Variants in DNASE1 observed in about 807,000 individuals in gnomAD.
The protein encoded by DNASE1 is deoxyribonuclease 1, also known as deoxyribonuclease-1.
DNASE1 carries 40 observed loss-of-function variants against 33.9 expected under a neutral mutation model. That is an observed-to-expected ratio of 1.18 (90% CI 0.92 to 1.54). The LOEUF (loss-of-function observed/expected upper bound fraction) is 1.54. Ranked by LOEUF, DNASE1 falls within the 40% of genes most tolerant of loss-of-function variation. The pLI, the probability that DNASE1 is intolerant of heterozygous loss-of-function variation, is 0.00. For synonymous variants in DNASE1, 216 were observed against 160.0 expected (o/e 1.35, Z -2.64); for missense variants, 518 against 372.6 (o/e 1.39, Z -3.21).
chr16:3,665,363 G>T (rs2050807683), exon 10 of DNASE1: 1 of 152,790 alleles, frequency 6.5e-6, no homozygotes, highest in Non-Finnish European at 1.5e-5. Context: ...ACACCACACT[G>T]TGAATGCACT....
At chr16:3,633,500 C>CG (rs993372595) in intron 1 of DNASE1, among the ~76,000 whole-genome samples, 5 of 151,542 alleles carry the variant, frequency 3.3e-5, no homozygotes, top group African/African-American at 1.2e-4. Flanking sequence ...CCCAGCTACT[C>CG]GGGAGGCTGA....
chr16:3,662,498 G>C, downstream of DNASE1: 1 of 522,388 alleles, frequency 1.9e-6, no homozygotes, highest in South Asian at 1.9e-5. Flanking sequence ...GGTGGGGGGA[G>C]TCTTAGCTCT....
intron 1 of DNASE1, among the ~76,000 whole-genome samples, chr16:3,612,221 C>T (rs111464529): frequency 8.6e-5 from 13 of 150,650 alleles, no homozygotes; most frequent in African/African-American, 2.9e-4. Flanking sequence ...TGAGCTTCAA[C>T]TTGGGGTCGT....
chr16:3,644,037 G>A (rs535150477), intron 1 of DNASE1, among the ~76,000 whole-genome samples: 7 of 152,130 alleles, frequency 4.6e-5, no homozygotes, highest in Admixed American at 3.3e-4. Context: ...CACCGTGCCC[G>A]GCCAAGCACA....
intron 1 of DNASE1, among the ~76,000 whole-genome samples, chr16:3,617,326 C>CAAAAAAAAAAAAAAAAAAAAA (rs56670885): frequency 6.4e-4 from 37 of 57,714 alleles, no homozygotes; most frequent in African/African-American, 2.2e-3. Context: ...AACTCCATCT[C>CAAAAAAAAAAAAAAAAAAAAA]AAAAAAAAAA....
intron 1 of DNASE1, among the ~76,000 whole-genome samples, chr16:3,647,336 C>T (rs1259582744): frequency 2.0e-5 from 3 of 148,298 alleles, no homozygotes; most frequent in Non-Finnish European, 4.4e-5. Context: ...TGCAGTGGTG[C>T]AGTCATGGCC....
In DNASE1 at chr16:3,613,908, ATTTTTTTT is replaced by A. The variant is rs200976238; in HGVS notation, c.-1359+1918_-1359+1925del. On this transcript the variant is annotated intron_variant and NMD_transcript_variant, in intron 1 of 11. Coordinates refer to the DNASE1 transcript ENST00000570769. ...AGGCGCCCGCAACCGCGCCTGGCTA[ATTTTTTTT>A]TTTTTTTTTTTTTTTGGACAAAATC... 1.2e-3 allele frequency among the ~76,000 whole-genome samples: 135 copies of A among 113,148 alleles called. 1 individual carries two copies. Among genetic ancestry groups the A allele is most frequent in the Admixed American group, 5.8e-3 (65 of 11,286 alleles). 74.2% of individuals were successfully genotyped at this position (113,148 alleles called of 152,430 possible).
chr16:3,662,188 G>C (rs1481068723), downstream of DNASE1: 3 of 1,572,586 alleles, frequency 1.9e-6, no homozygotes, highest in Non-Finnish European at 2.6e-6. Context: ...GAGAGGGCTG[G>C]CAGGATCTTA....
At chr16:3,661,848 C>T (rs1482759963), downstream of DNASE1, 1 of 1,165,040 alleles carries the variant, frequency 8.6e-7, no homozygotes, top group East Asian at 2.9e-5. Flanking sequence ...GCCTAAACTG[C>T]ATACAGCTCC....
intron 1 of DNASE1, among the ~76,000 whole-genome samples, chr16:3,622,258 G>A (rs143174386): frequency 4.1e-5 from 6 of 146,856 alleles, no homozygotes; most frequent in East Asian, 2.0e-4. Flanking sequence ...TTTCCATTCC[G>A]TTAACAATGA....
In DNASE1 at chr16:3,657,888, G is replaced by T. The variant is rs917681330; in HGVS notation, c.802-18G>T. On this transcript the variant is annotated intron_variant, in intron 8 of 8. Coordinates refer to ENST00000246949, the MANE Select transcript of DNASE1 (RefSeq NM_005223.4). ...CTCAGGTAGGCTCAGCCCAGACCCT[G>T]TGCCCACTTGCCTGCAGGCCCAAGC... The T allele has an allele frequency of 6.2e-7, 1 of 1,613,820 alleles. No individual in the cohort carries two copies. The highest frequency in any genetic ancestry group is 1.1e-5 in the South Asian group (1 of 91,086).
chr16:3,631,141 G>C (rs959722962), intron 1 of DNASE1, among the ~76,000 whole-genome samples: 4 of 151,936 alleles, frequency 2.6e-5, no homozygotes, highest in African/African-American at 7.3e-5. Context: ...TCCTGCCTCA[G>C]CTTCCCAAGT....
intron 1 of DNASE1, among the ~76,000 whole-genome samples, chr16:3,620,888 C>T (rs1173983810): frequency 6.6e-6 from 1 of 152,064 alleles, no homozygotes; most frequent in African/African-American, 2.4e-5. Context: ...GCAACCTCCG[C>T]TCCCCAGGTT....
chr16:3,646,040 CCCGAGTAGAGCCAG>C (rs957975877), intron 1 of DNASE1, among the ~76,000 whole-genome samples: 54 of 152,198 alleles, frequency 3.5e-4, no homozygotes, highest in African/African-American at 1.1e-3. Context: ...GAGAAAGAAC[CCCGAGTAGAGCCAG>C]CCGAGTAGAG....
At chr16:3,657,421 C>G in intron 7 of DNASE1, 80 bp downstream of exon 7, 3 of 1,562,834 alleles carry the variant, frequency 1.9e-6, no homozygotes, top group Non-Finnish European at 2.6e-6. Context: ...CTTCAGAAGC[C>G]TCAAAGCCTT....
chr16:3,655,500 C>G lies in DNASE1; in HGVS notation c.127C>G (p.Leu43Val), dbSNP rs1817439752. 1 of 1,614,034 alleles carries G rather than the reference C, an allele frequency of 6.2e-7. No individual in the cohort carries two copies. The highest frequency in any genetic ancestry group is 1.1e-5 in the South Asian group (1 of 91,088). Residue 43 changes from leucine (L) to valine (V), a missense_variant, in exon 2 of 9, where the codon CTC (leucine) becomes GTC (valine). Leu to Val is a conservative substitution (Grantham distance 32). Coordinates refer to ENST00000246949, the MANE Select transcript of DNASE1 (RefSeq NM_005223.4). ...GGAGACCAAGATGTCCAATGCCACC[C>G]TCGTCAGCTACATTGTGCAGGTGAG... ...FGETKMSNAT[L>V]VSYIVQILSR... is the part of the protein sequence containing the mutation.
chr16:3,634,864 T>G (rs1297058821), intron 1 of DNASE1, among the ~76,000 whole-genome samples: 1 of 152,126 alleles, frequency 6.6e-6, no homozygotes, highest in East Asian at 1.9e-4. Context: ...TGGCCCAGGC[T>G]AGAGTGCAGT....
chr16:3,637,375 G>T (rs777889617), intron 1 of DNASE1, among the ~76,000 whole-genome samples: 1 of 152,204 alleles, frequency 6.6e-6, no homozygotes, highest in Admixed American at 6.5e-5. Context: ...TTATGTGGTG[G>T]GAAGGAGGGG....
At chr16:3,643,401 C>T (rs1351560319) in intron 1 of DNASE1, among the ~76,000 whole-genome samples, 1 of 152,236 alleles carries the variant, frequency 6.6e-6, no homozygotes, top group Non-Finnish European at 1.5e-5. Flanking sequence ...GTGCAGGGCC[C>T]TAAGAAATAT....
Sources: allele counts gnomAD v4.1 joint callset (sites outside exome capture counted in the v4.1 genomes callset), GRCh38; gene constraint gnomAD v4.1.1; transcripts MANE v1.5; gene names NCBI Gene and HGNC (gene_info 2026-07-23, HGNC 2026-07-21).